ZYG11B: variants seen among roughly 807,000 people sequenced by gnomAD.
ZYG11B encodes zyg-11 family member B, cell cycle regulator, also known as protein zyg-11 homolog B.
In ZYG11B, 36 loss-of-function variants were observed where a neutral mutation model predicts 82.4. That is an observed-to-expected ratio of 0.44 (90% CI 0.33 to 0.58). ZYG11B has a LOEUF of 0.58. Ranked by LOEUF, ZYG11B falls within the 20% of genes least tolerant of loss-of-function variation. The probability of loss-of-function intolerance (pLI) is 0.02; values close to 1 mark genes in which losing one functional copy is unlikely to be tolerated. For synonymous variants in ZYG11B, 303 were observed against 312.8 expected (o/e 0.97, Z 0.33); for missense variants, 552 against 895.6 (o/e 0.62, Z 4.90).
At chr1:52,802,598 A>G (rs1645085406) in intron 10 of ZYG11B, among the ~76,000 whole-genome samples, 1 of 150,162 alleles carries the variant, frequency 6.7e-6, no homozygotes, top group South Asian at 2.1e-4. Flanking sequence ...CAATCCTCCT[A>G]CCTCGGCCTC....
At chr1:52,737,541 C>T (rs946155924) in intron 1 of ZYG11B, among the ~76,000 whole-genome samples, 8 of 151,948 alleles carry the variant, frequency 5.3e-5, no homozygotes, top group Admixed American at 3.9e-4. Flanking sequence ...CCGAGGCGGG[C>T]GGATCACCTG....
At chr1:52,790,947 T>A (rs945139057) in intron 6 of ZYG11B, among the ~76,000 whole-genome samples, 2 of 151,482 alleles carry the variant, frequency 1.3e-5, no homozygotes, top group East Asian at 3.9e-4. Flanking sequence ...ATTTTTTTTT[T>A]ATTTTACTAT....
At chr1:52,738,985 C>CTTTTTTTTTTTTTTTTTT (rs10643364) in intron 1 of ZYG11B, among the ~76,000 whole-genome samples, 3 of 106,308 alleles carry the variant, frequency 2.8e-5, no homozygotes, top group East Asian at 3.8e-4. Flanking sequence ...GCCCTGTAAC[C>CTTTTTTTTTTTTTTTTTT]TTTTTTTTTT....
intron 6 of ZYG11B, among the ~76,000 whole-genome samples, chr1:52,792,058 A>G (rs1361292648): frequency 6.6e-6 from 1 of 152,140 alleles, no homozygotes; most frequent in Non-Finnish European, 1.5e-5. Flanking sequence ...CTGTGTTCCA[A>G]CAGAACTTTA....
At chr1:52,730,004 C>A (rs1363427789) in intron 1 of ZYG11B, among the ~76,000 whole-genome samples, 1 of 152,036 alleles carries the variant, frequency 6.6e-6, no homozygotes, top group Admixed American at 6.6e-5. Context: ...GATGGGGTTT[C>A]GCCATGTTGC....
In ZYG11B at chr1:52,825,009, C is replaced by T. The variant is rs1429979622; in HGVS notation, c.*3380C>T. On this transcript the variant is annotated 3_prime_UTR_variant, in exon 14 of 14. Coordinates refer to ENST00000294353, the MANE Select transcript of ZYG11B (RefSeq NM_024646.3). ...CAATGTAAAATATCACTACATCAGT[C>T]CACAAGCAACATTAAGGAAATCTAA... The T allele has an allele frequency of 6.6e-6, 1 of 151,954 alleles. No individual in the cohort carries two copies. The highest frequency in any genetic ancestry group is 2.4e-5 in the African/African-American group (1 of 41,380). 9.4% of individuals were successfully genotyped at this position (151,954 alleles called of 1,614,324 possible). A position where few individuals can be genotyped will look rare whatever the true frequency, so the allele number is the denominator to read the frequency against.
intron 1 of ZYG11B, among the ~76,000 whole-genome samples, chr1:52,746,074 C>T (rs1176857679): frequency 6.6e-6 from 1 of 152,036 alleles, no homozygotes; most frequent in Non-Finnish European, 1.5e-5. Context: ...AATTCTCCTG[C>T]CTCAGCCTCC....
intron 5 of ZYG11B, among the ~76,000 whole-genome samples, chr1:52,787,372 A>G (rs1313379540): frequency 6.6e-6 from 1 of 152,254 alleles, no homozygotes; most frequent in Non-Finnish European, 1.5e-5. Flanking sequence ...AGGAATATAA[A>G]TACATGTTTT....
chr1:52,807,632 T>C (rs1645152123), intron 10 of ZYG11B, among the ~76,000 whole-genome samples: 1 of 151,958 alleles, frequency 6.6e-6, no homozygotes, highest in East Asian at 1.9e-4. Flanking sequence ...GTTGGAATTA[T>C]AGGCGCACAC....
At position 52,801,802 on chromosome 1, in the gene ZYG11B, G is replaced by GTT. The variant is rs199605472; in HGVS notation, c.1486-5_1486-4dup. ...AGTTCAAAAGTGAAAACTTATTTCT[G>GTT]TTTTTTTTTTTTTCAGCAACTTCTT... On this transcript the variant is annotated splice_polypyrimidine_tract_variant and intron_variant, in intron 8 of 13. Transcript: ENST00000294353. The GTT allele has an allele frequency of 3.2e-3, 4,294 of 1,335,988 alleles. No individual in the cohort carries two copies. The highest frequency in any genetic ancestry group is 7.7e-3 in the South Asian group (555 of 72,508). 82.8% of individuals were successfully genotyped at this position (1,335,988 alleles called of 1,614,324 possible). A position where few individuals can be genotyped will look rare whatever the true frequency, so the allele number is the denominator to read the frequency against.
Position 52,806,313 on chromosome 1 carries a change from A to T in ZYG11B, c.1695+4174A>T, listed in dbSNP as rs180756311. Among the ~76,000 whole-genome samples the T allele has an allele frequency of 5.2e-3, 795 of 152,278 alleles. 6 individuals are homozygous for T. The highest frequency in any genetic ancestry group is 7.2e-3 in the Non-Finnish European group (493 of 68,010). On this transcript the variant is annotated intron_variant, in intron 10 of 13. Coordinates refer to ENST00000294353, the MANE Select transcript of ZYG11B (RefSeq NM_024646.3). ...TAATTAGCTTGATTAATTAACACTA[A>T]TTAATAATTAGATTGTACAGTGTCA...
At chr1:52,804,643 C>G (rs1050365589) in intron 10 of ZYG11B, among the ~76,000 whole-genome samples, 12 of 151,772 alleles carry the variant, frequency 7.9e-5, no homozygotes, top group African/African-American at 2.7e-4. Flanking sequence ...AGCCTGCTTA[C>G]AAATCACATA....
At chr1:52,776,271 CTA>C (rs1361008702) in intron 3 of ZYG11B, among the ~76,000 whole-genome samples, 1 of 97,488 alleles carries the variant, frequency 1.0e-5, no homozygotes, top group Non-Finnish European at 2.4e-5. Flanking sequence ...TAGAGCACGC[CTA>C]TAATCCCAGC....
At chr1:52,776,664 A>G (rs1309233237) in intron 3 of ZYG11B, among the ~76,000 whole-genome samples, 1 of 152,188 alleles carries the variant, frequency 6.6e-6, no homozygotes, top group Non-Finnish European at 1.5e-5. Flanking sequence ...GAACCAACCA[A>G]ATGTGGGTAA....
intron 1 of ZYG11B, among the ~76,000 whole-genome samples, chr1:52,737,829 A>G (rs1165767737): frequency 2.0e-5 from 3 of 152,250 alleles, no homozygotes; most frequent in Non-Finnish European, 4.4e-5. Context: ...AGAATTGCAT[A>G]AGGTAATGTT....
chr1:52,755,234 T>A lies in ZYG11B; in HGVS notation c.31-1224T>A, dbSNP rs961338364. On this transcript the variant is annotated intron_variant, in intron 1 of 13. Coordinates refer to ENST00000294353, the MANE Select transcript of ZYG11B (RefSeq NM_024646.3). ...CCTCGGCCTCCCAAAGTGCTGGGAT[T>A]ACAGGCGGGAGCCACTGCACCCGGC... Among the ~76,000 whole-genome samples, 113 of 152,228 alleles carry A rather than the reference T, an allele frequency of 7.4e-4. 2 individuals carry two copies. The highest frequency in any genetic ancestry group is 3.4e-3 in the Middle Eastern group (1 of 294).
chr1:52,774,609 AT>A (rs35043109), intron 3 of ZYG11B, among the ~76,000 whole-genome samples: 35 of 111,136 alleles, frequency 3.1e-4, no homozygotes, highest in Non-Finnish European at 4.0e-4. Context: ...GCCTGGCCTA[AT>A]TTTTTTTTTT....
chr1:52,808,132 G>A (rs1645156039), intron 10 of ZYG11B, among the ~76,000 whole-genome samples: 1 of 152,202 alleles, frequency 6.6e-6, no homozygotes, highest in Non-Finnish European at 1.5e-5. Flanking sequence ...GGAGGCCAAG[G>A]CGGGTGGATC....
At position 52,779,855 on chromosome 1, in the gene ZYG11B, G is replaced by A; in HGVS notation, c.954G>A (p.Val318=). 6.2e-7 allele frequency: 1 copy of A among 1,613,818 alleles called. No homozygotes were observed. The highest frequency in any genetic ancestry group is 8.5e-7 in the Non-Finnish European group (1 of 1,179,938). Residue 318 remains valine, a splice_region_variant and synonymous_variant, in exon 4 of 14, where the codon GTG becomes GTA. Transcript: ENST00000294353. ...AGCTAATCTGGTTATGTTCACAGGT[G>A]TCTGGGGAAGCCAATGAAACTCAGA... ...EFLTGEGHLK[V]SGEANETQIA...
Sources: allele counts gnomAD v4.1 joint callset (sites outside exome capture counted in the v4.1 genomes callset), GRCh38; gene constraint gnomAD v4.1.1; transcripts MANE v1.5; gene names NCBI Gene and HGNC (gene_info 2026-07-23, HGNC 2026-07-21).